Variants in RPS14 observed in about 807,000 individuals in gnomAD.
The protein encoded by RPS14 is ribosomal protein S14, also known as small ribosomal subunit protein uS11.
Under a neutral mutation model 15.4 loss-of-function variants are expected in RPS14, and 1 was observed. That is an observed-to-expected ratio of 0.07 (90% confidence interval 0.02 to 0.31). The LOEUF is 0.31. RPS14 is among the 10% of genes least tolerant of loss of function. RPS14 has a pLI of 1.00. For synonymous variants in RPS14, 68 were observed against 74.4 expected (o/e 0.91, Z 0.44); for missense variants, 69 against 205.5 (o/e 0.34, Z 4.06).
intron 4 of RPS14, among the ~76,000 whole-genome samples, chr5:150,445,119 G>T (rs1006498231): frequency 2.6e-5 from 4 of 152,206 alleles, no homozygotes; most frequent in African/African-American, 9.7e-5. Flanking sequence ...AATGTGCAGG[G>T]AAAGACTACT....
chr5:150,445,321 A>AATG (rs1352436641), intron 4 of RPS14: 2 of 563,642 alleles, frequency 3.5e-6, no homozygotes, highest in Admixed American at 3.1e-5. Flanking sequence ...TGCTAATAGC[A>AATG]ATGACCTCAA....
chr5:150,445,264 C>A (rs1275504433), intron 4 of RPS14, among the ~76,000 whole-genome samples: 2 of 152,074 alleles, frequency 1.3e-5, no homozygotes, highest in Non-Finnish European at 2.9e-5. Flanking sequence ...TAGGCGGAAA[C>A]CAAAAATGCT....
intron 4 of RPS14, among the ~76,000 whole-genome samples, chr5:150,444,829 C>A (rs1002117875): frequency 4.1e-5 from 6 of 147,558 alleles, no homozygotes; most frequent in African/African-American, 1.5e-4. Context: ...AGTTTGGGAC[C>A]AACCTGGGCA....
chr5:150,444,943 CG>C (rs1367774708), intron 4 of RPS14, among the ~76,000 whole-genome samples: 1 of 152,104 alleles, frequency 6.6e-6, no homozygotes, highest in African/African-American at 2.4e-5. Context: ...TGGACAGATC[CG>C]CCCACGAGGC....
intron 4 of RPS14, 67 bp downstream of exon 4, chr5:150,445,542 C>T (rs778793026): frequency 4.8e-6 from 7 of 1,456,418 alleles, no homozygotes; most frequent in Admixed American, 3.3e-5. Flanking sequence ...CCACTGGGCA[C>T]AGCACGTGCT....
chr5:150,448,875 C>T (rs1022274115), intron 1 of RPS14: 5 of 152,230 alleles, frequency 3.3e-5, no homozygotes, highest in Admixed American at 1.3e-4. Context: ...ATGTTCCTAT[C>T]TTCAAATCAG....
intron 4 of RPS14, chr5:150,444,660 T>C (rs2070842): frequency 0.26 from 148,081 of 573,782 alleles, 20,970 homozygotes; most frequent in South Asian, 0.39. Context: ...AAAAACCCTT[T>C]TAGACAGGGT....
In RPS14 at chr5:150,444,231, G is replaced by C. The variant is rs1771021766; in HGVS notation, c.*55C>G. 5 of 1,568,898 alleles carry C rather than the reference G, an allele frequency of 3.2e-6. No homozygotes were observed. The highest frequency in any genetic ancestry group is 2.7e-5 in the African/African-American group (2 of 74,104). ...TGATGAAGGAGAGAAGGCTGGAGTT[G>C]AAACAGTTTACATGAAGGCAATTTA... On this transcript the variant is annotated 3_prime_UTR_variant, in exon 5 of 5. Coordinates refer to ENST00000407193, the MANE Select transcript of RPS14 (RefSeq NM_005617.4).
chr5:150,447,450 A>G, intron 2 of RPS14, 135 bp downstream of exon 2: 1 of 881,482 alleles, frequency 1.1e-6, no homozygotes. Context: ...TTTGTGGGCT[A>G]AATGGACAAG....
chr5:150,446,773 C>CA lies in RPS14; in HGVS notation c.311+28dup. The CA allele has an allele frequency of 6.2e-7, 1 of 1,603,000 alleles. No individual in the cohort carries two copies. The highest frequency in any genetic ancestry group is 1.7e-5 in the Admixed American group (1 of 58,598). On this transcript the variant is annotated intron_variant, in intron 3 of 4. Transcript: ENST00000407193. This position sits in a 1 kb window ranked among gnomAD's most constrained non-coding sequence, Gnocchi z 4.2. ...CACCCAAGCCCAGCAGGTTTTCTACCACCCAGCCATCCCCTCTGCGACTCG... is the reference window on the plus strand; with the variant it reads ...CACCCAAGCCCAGCAGGTTTTCTACCAACCCAGCCATCCCCTCTGCGACTCG...
intron 4 of RPS14, chr5:150,444,776 T>C (rs375071646): frequency 1.0e-4 from 39 of 378,368 alleles, no homozygotes; most frequent in East Asian, 6.3e-4. Flanking sequence ...CCTAGCACTT[T>C]GGGCTTTGGG....
In RPS14 at chr5:150,446,049, G is replaced by A. The variant is rs1771083291; in HGVS notation, c.312-364C>T. Among the ~76,000 whole-genome samples, 1 of 151,726 alleles carries A rather than the reference G, an allele frequency of 6.6e-6. No homozygotes were observed. Among genetic ancestry groups the A allele is most frequent in the African/African-American group, 2.4e-5 (1 of 41,228 alleles). ...AGAGACTGCAGTAAGCTGAGATAGC[G>A]CCACTGCACTCCAGCCTGGGTGAGA... is the stretch of plus-strand genomic sequence containing the variant. On this transcript the variant is annotated intron_variant, in intron 3 of 4. Coordinates refer to ENST00000407193, the MANE Select transcript of RPS14 (RefSeq NM_005617.4). This position sits in a 1 kb window ranked among gnomAD's most constrained non-coding sequence, Gnocchi z 4.2.
Position 150,446,616 on chromosome 5 carries a change from G to A in RPS14, c.311+186C>T, listed in dbSNP as rs534027940. ...TCTAGTACCTGAAACACAGCTCCTAGTATACAGTGGGTGCTCAACACTGAG... is the reference window on the plus strand; with the variant it reads ...TCTAGTACCTGAAACACAGCTCCTAATATACAGTGGGTGCTCAACACTGAG... On this transcript the variant is annotated intron_variant, in intron 3 of 4. Coordinates refer to ENST00000407193, the MANE Select transcript of RPS14 (RefSeq NM_005617.4). This position sits in a 1 kb window ranked among gnomAD's most constrained non-coding sequence, Gnocchi z 4.2. 1.3e-5 allele frequency among the ~76,000 whole-genome samples: 2 copies of A among 152,286 alleles called. No individual in the cohort carries two copies. Among genetic ancestry groups the A allele is most frequent in the East Asian group, 3.9e-4 (2 of 5,190 alleles).
chr5:150,445,803 G>T (rs778809071), intron 3 of RPS14, 118 bp from the exon 4 acceptor site: 4 of 790,820 alleles, frequency 5.1e-6, no homozygotes, highest in African/African-American at 1.8e-5. Context: ...TAAAGAGCCA[G>T]ACAGGGCTGT....
chr5:150,449,676 C>G (rs529512276), intron 1 of RPS14, 27 bp downstream of exon 1: 1 of 152,418 alleles, frequency 6.6e-6, no homozygotes, highest in Admixed American at 6.5e-5. Context: ...CAGGATGCCC[C>G]CCGATTGTCG....
chr5:150,448,508 A>T (rs1771170893), intron 1 of RPS14: 1 of 152,242 alleles, frequency 6.6e-6, no homozygotes, highest in Non-Finnish European at 1.5e-5. Flanking sequence ...GAAGGCTAGG[A>T]TAAGACTGCT....
chr5:150,443,739 C>CT lies in RPS14; in HGVS notation c.*546dup, dbSNP rs1168636510. The CT allele has an allele frequency of 6.6e-6, 1 of 152,202 alleles. No individual in the cohort carries two copies. The highest frequency in any genetic ancestry group is 2.4e-5 in the African/African-American group (1 of 41,434). 9.4% of individuals were successfully genotyped at this position (152,202 alleles called of 1,614,324 possible). ...AAGCTTCCGGAAAGCAAGAACTTTT[C>CT]TTTTTTATCGCTGATGAAAATAGGA... On this transcript the variant is annotated 3_prime_UTR_variant, in exon 5 of 5. Transcript: ENST00000407193.
intron 1 of RPS14, 120 bp from the exon 2 acceptor site, chr5:150,447,855 C>T (rs1299102070): frequency 4.5e-6 from 5 of 1,110,924 alleles, no homozygotes; most frequent in South Asian, 4.4e-5. Context: ...CCATCCAATA[C>T]TCTACTGTAT....
At position 150,443,126 on chromosome 5, in the gene RPS14, A is replaced by C. The variant is rs1770985834; in HGVS notation, c.*1160T>G. On this transcript the variant is annotated 3_prime_UTR_variant, in exon 5 of 5. Transcript: ENST00000407193. ...CTGTCCTTGACTTTCATGACTTTTA[A>C]CAATTTAAGGAGTACTGTTATATTT... is the stretch of plus-strand genomic sequence containing the variant. The C allele has an allele frequency of 6.6e-6, 1 of 151,928 alleles. No individual in the cohort carries two copies. Among genetic ancestry groups the C allele is most frequent in the East Asian group, 1.9e-4 (1 of 5,186 alleles). 9.4% of individuals were successfully genotyped at this position (151,928 alleles called of 1,614,324 possible).
Sources: allele counts gnomAD v4.1 joint callset (sites outside exome capture counted in the v4.1 genomes callset), GRCh38; gene constraint gnomAD v4.1.1; non-coding constraint Gnocchi (gnomAD v3.1); transcripts MANE v1.5; gene names NCBI Gene and HGNC (gene_info 2026-07-23, HGNC 2026-07-21).